Variants in CLCA4 observed in about 807,000 individuals in gnomAD.
CLCA4 encodes the protein calcium-activated chloride channel regulator 4.
A neutral mutation model predicts 78.9 loss-of-function variants in CLCA4; 69 were observed. That is an observed-to-expected ratio of 0.87 (90% CI 0.72 to 1.07). CLCA4 has a LOEUF of 1.07. CLCA4 is among the 50% of genes least tolerant of loss of function. The pLI, the probability that CLCA4 is intolerant of heterozygous loss-of-function variation, is 0.00. For missense variants in CLCA4, 1,133 were observed against 1,095.8 expected (o/e 1.03, Z -0.48); for synonymous variants, 362 against 375.8 (o/e 0.96, Z 0.42).
chr1:86,559,980 AG>A lies in CLCA4; in HGVS notation c.209del (p.Arg70AsnfsTer10). 1 of 1,609,030 alleles carries A rather than the reference AG, an allele frequency of 6.2e-7. No homozygotes were observed. Among genetic ancestry groups the A allele is most frequent in the Non-Finnish European group, 8.5e-7 (1 of 1,177,902 alleles). ...STYLFEATEK[R>X]FFFKNVSILI... ...GTACCTGTTTGAAGCCACAGAAAAAAGATTTTTTTTCAAAAATGTATCTATA... is the reference window on the plus strand; with the variant it reads ...GTACCTGTTTGAAGCCACAGAAAAAAATTTTTTTTCAAAAATGTATCTATA... On this transcript the variant is annotated frameshift_variant, in exon 2 of 14. Coordinates refer to ENST00000370563, the MANE Select transcript of CLCA4 (RefSeq NM_012128.4). LOFTEE classifies it high-confidence loss of function.
At position 86,560,206 on chromosome 1, in the gene CLCA4, C is replaced by T. The variant is rs1266289342; in HGVS notation, c.301-5C>T. On this transcript the variant is annotated splice_region_variant and splice_polypyrimidine_tract_variant and intron_variant, in intron 2 of 13. Coordinates refer to ENST00000370563, the MANE Select transcript of CLCA4 (RefSeq NM_012128.4). ...ATGTTTGACAATCTTTTTCAACATTCTCAGGCTGATGTTATAGTTGCACCA... is the reference window on the plus strand; with the variant it reads ...ATGTTTGACAATCTTTTTCAACATTTTCAGGCTGATGTTATAGTTGCACCA... The T allele has an allele frequency of 1.3e-6, 2 of 1,597,534 alleles. No homozygotes were observed. The highest frequency in any genetic ancestry group is 3.6e-5 in the Admixed American group (2 of 56,058).
At chr1:86,579,261 TAGAAGGAAAA>T in intron 12 of CLCA4, 83 bp from the exon 13 acceptor site, 1 of 946,012 alleles carries the variant, frequency 1.1e-6, no homozygotes, top group Admixed American at 2.2e-5. Context: ...TATATTTTTT[TAGAAGGAAAA>T]GACAAGTGAA....
chr1:86,567,482 T>C lies in CLCA4; in HGVS notation c.1013T>C (p.Val338Ala). Residue 338 changes from valine to alanine, a missense_variant, in exon 7 of 14, where the codon GTT becomes GCT. By Grantham distance (64) the Val-to-Ala change is moderately conservative. Transcript: ENST00000370563. ...GCAAAACATTTCCTGCTGCAGACTGTTGAAAATGGATCCTGGGTGGGGATG... is the reference window on the plus strand; with the variant it reads ...GCAAAACATTTCCTGCTGCAGACTGCTGAAAATGGATCCTGGGTGGGGATG... The part of the protein sequence containing the change: ...QAAKHFLLQT[V>A]ENGSWVGMVH... The C allele has an allele frequency of 3.1e-6, 5 of 1,613,368 alleles. No individual in the cohort carries two copies. In the Middle Eastern group the frequency reaches 6.6e-4, roughly 213 times the overall value.
At chr1:86,552,239 C>A (rs745374965) in intron 1 of CLCA4, among the ~76,000 whole-genome samples, 17 of 151,964 alleles carry the variant, frequency 1.1e-4, no homozygotes, top group South Asian at 4.1e-4. Context: ...AAATATTGCC[C>A]AAAACACTTA....
chr1:86,554,655 T>C (rs935336125), intron 1 of CLCA4, among the ~76,000 whole-genome samples: 4 of 152,194 alleles, frequency 2.6e-5, no homozygotes, highest in Non-Finnish European at 1.5e-5. Context: ...GCTACAAACA[T>C]TCAAGTGCAT....
chr1:86,553,530 C>T (rs1649728517), intron 1 of CLCA4, among the ~76,000 whole-genome samples: 1 of 152,200 alleles, frequency 6.6e-6, no homozygotes, highest in South Asian at 2.1e-4. Context: ...CCGCCGCTGC[C>T]GCCTGCTTCC....
At chr1:86,572,992 T>G (rs1343475381) in intron 9 of CLCA4, 1 of 361,306 alleles carries the variant, frequency 2.8e-6, no homozygotes. Context: ...TAATGTCAAA[T>G]TTTTCACCAA....
intron 4 of CLCA4, 41 bp from the exon 5 acceptor site, chr1:86,565,233 T>C (rs1251163571): frequency 7.1e-7 from 1 of 1,415,274 alleles, no homozygotes; most frequent in Non-Finnish European, 9.7e-7. Flanking sequence ...TAAGTGCTAA[T>C]GATTCAGTTG....
chr1:86,572,511 CAT>C (rs1424460626), intron 8 of CLCA4, 101 bp from the exon 9 acceptor site: 2 of 687,890 alleles, frequency 2.9e-6, no homozygotes, highest in African/African-American at 3.6e-5. Flanking sequence ...TTTAATAACA[CAT>C]ACTGAAACTA....
intron 1 of CLCA4, 130 bp from the exon 2 acceptor site, chr1:86,559,802 A>G: frequency 1.4e-6 from 1 of 705,094 alleles, no homozygotes; most frequent in Non-Finnish European, 2.4e-6. Context: ...GAATAATGAG[A>G]CAGAGACCCT....
At chr1:86,576,617 C>T (rs1171651994) in intron 11 of CLCA4, among the ~76,000 whole-genome samples, 1 of 152,054 alleles carries the variant, frequency 6.6e-6, no homozygotes, top group Non-Finnish European at 1.5e-5. Context: ...GAAGCACAAG[C>T]AAACTAAATG....
intron 11 of CLCA4, among the ~76,000 whole-genome samples, chr1:86,576,528 C>G (rs1650527804): frequency 6.6e-6 from 1 of 151,960 alleles, no homozygotes; most frequent in African/African-American, 2.4e-5. Context: ...ATCCAGGCAA[C>G]CAATGTCTGT....
At chr1:86,565,252 A>T (rs1650143386) in intron 4 of CLCA4, 22 bp from the exon 5 acceptor site, 1 of 1,545,954 alleles carries the variant, frequency 6.5e-7, no homozygotes, top group Admixed American at 2.0e-5. Flanking sequence ...TGCCTCAAAG[A>T]TTAACTGTCA....
chr1:86,549,530 C>T (rs1036202339), intron 1 of CLCA4, among the ~76,000 whole-genome samples: 1 of 152,166 alleles, frequency 6.6e-6, no homozygotes, highest in African/African-American at 2.4e-5. Flanking sequence ...GTCACCCATC[C>T]TCTATAAACT....
At chr1:86,548,336 C>G (rs1326838446) in intron 1 of CLCA4, among the ~76,000 whole-genome samples, 2 of 151,948 alleles carry the variant, frequency 1.3e-5, no homozygotes, top group Admixed American at 6.6e-5. Context: ...CTTGTATATT[C>G]TGGATAATAA....
chr1:86,561,521 A>T (rs1650018267), intron 3 of CLCA4, among the ~76,000 whole-genome samples: 1 of 152,078 alleles, frequency 6.6e-6, no homozygotes, highest in Non-Finnish European at 1.5e-5. Flanking sequence ...CAATATTTTT[A>T]CTCAGCTCTT....
chr1:86,553,934 C>CA (rs545496112), intron 1 of CLCA4, among the ~76,000 whole-genome samples: 19 of 145,958 alleles, frequency 1.3e-4, no homozygotes, highest in South Asian at 6.6e-4. Context: ...AGACTCTGTC[C>CA]AAAAAAAAAA....
At chr1:86,552,797 C>T in intron 1 of CLCA4, 1 of 1,090,318 alleles carries the variant, frequency 9.2e-7, no homozygotes. Flanking sequence ...CTGTCCACGC[C>T]TGAAAACAGC....
chr1:86,570,933 A>C, intron 7 of CLCA4, 144 bp from the exon 8 acceptor site: 1 of 534,590 alleles, frequency 1.9e-6, no homozygotes, highest in Non-Finnish European at 3.1e-6. Context: ...TTGTTGATTG[A>C]AAATTCTTTA....
Sources: allele counts gnomAD v4.1 joint callset (sites outside exome capture counted in the v4.1 genomes callset), GRCh38; gene constraint gnomAD v4.1.1; transcripts MANE v1.5; gene names NCBI Gene and HGNC (gene_info 2026-07-23, HGNC 2026-07-21).